NAV3: variants seen among roughly 807,000 people sequenced by gnomAD.
NAV3 encodes neuron navigator 3, also known as pore membrane and/or filament interacting like protein 1.
NAV3 carries 87 observed loss-of-function variants against 244.7 expected under a neutral mutation model. That is an observed-to-expected ratio of 0.36 (90% confidence interval 0.30 to 0.42). The LOEUF (loss-of-function observed/expected upper bound fraction) is 0.42, where lower values mean the gene tolerates loss of function less well. Among genes scored for constraint, NAV3 ranks in the 20% least tolerant of loss-of-function variants. The pLI, the probability that NAV3 is intolerant of heterozygous loss-of-function variation, is 1.00. For synonymous variants in NAV3, 1,126 were observed against 1,042.2 expected, an observed-to-expected ratio of 1.08 and a Z score of -1.55; for missense variants, 2,663 against 2,893.3, an observed-to-expected ratio of 0.92 and a Z score of 1.83.
rs190902965 is a variant in NAV3, at chr12:78,079,282, C to G, written c.2636+20167C>G. 2.4e-3 allele frequency among the ~76,000 whole-genome samples: 364 copies of G among 152,150 alleles called. 1 individual carries two copies. The highest frequency in any genetic ancestry group is 3.4e-3 in the Non-Finnish European group (229 of 68,006). The stretch of plus-strand genomic sequence containing the variant: ...TGTGAGATTTTTAGATATAAAGACT[C>G]AGATTTATAGCTTAGCTAGCTGGAA... On this transcript the variant is annotated intron_variant, in intron 12 of 39. Coordinates refer to ENST00000397909, the MANE Select transcript of NAV3 (RefSeq NM_001024383.2).
chr12:77,607,299 A>G (rs766174484), intron 2 of NAV3, among the ~76,000 whole-genome samples: 9 of 152,062 alleles, frequency 5.9e-5, no homozygotes, highest in Non-Finnish European at 1.3e-4. Context: ...ATCTTCTACT[A>G]CCCTAGACCC....
intron 22 of NAV3, among the ~76,000 whole-genome samples, chr12:78,151,717 A>G (rs912164298): frequency 6.6e-6 from 1 of 151,732 alleles, no homozygotes; most frequent in Non-Finnish European, 1.5e-5. Context: ...ATGAATCCAC[A>G]TATGTCAATC....
At chr12:77,598,848 G>T (rs1288194520) in intron 2 of NAV3, among the ~76,000 whole-genome samples, 1 of 151,856 alleles carries the variant, frequency 6.6e-6, no homozygotes, top group Non-Finnish European at 1.5e-5. Flanking sequence ...TTTGTGATAA[G>T]AATATTTAAC....
intron 2 of NAV3, among the ~76,000 whole-genome samples, chr12:77,641,866 T>C (rs1337914027): frequency 6.6e-6 from 1 of 152,126 alleles, no homozygotes; most frequent in African/African-American, 2.4e-5. Flanking sequence ...TCCAAGTATA[T>C]GCTCGGGGAA....
intron 12 of NAV3, among the ~76,000 whole-genome samples, chr12:78,093,129 A>G (rs1475918373): frequency 6.6e-6 from 1 of 152,252 alleles, no homozygotes; most frequent in Non-Finnish European, 1.5e-5. Context: ...ATGAGTTAAC[A>G]ATATACAATG....
intron 23 of NAV3, among the ~76,000 whole-genome samples, chr12:78,168,552 A>G (rs1402152525): frequency 6.6e-6 from 1 of 151,806 alleles, no homozygotes; most frequent in Non-Finnish European, 1.5e-5. Context: ...AGAAAAACAA[A>G]CAAACAAACA....
At chr12:77,584,907 T>C (rs1291341145) in intron 2 of NAV3, among the ~76,000 whole-genome samples, 1 of 152,200 alleles carries the variant, frequency 6.6e-6, no homozygotes, top group Non-Finnish European at 1.5e-5. Context: ...TTGTAATAAT[T>C]ATGCATGCCT....
At chr12:77,686,308 G>T (rs1258965231) in intron 2 of NAV3, among the ~76,000 whole-genome samples, 4 of 151,946 alleles carry the variant, frequency 2.6e-5, no homozygotes, top group Admixed American at 2.0e-4. Context: ...GACCAGGCCG[G>T]TCTTGAACTC....
At chr12:77,617,130 A>T (rs1293439187) in intron 2 of NAV3, among the ~76,000 whole-genome samples, 1 of 152,176 alleles carries the variant, frequency 6.6e-6, no homozygotes, top group East Asian at 1.9e-4. Flanking sequence ...GGACGGCTGA[A>T]TATTGTTTTG....
intron 9 of NAV3, among the ~76,000 whole-genome samples, chr12:78,035,077 T>C (rs991157688): frequency 1.3e-5 from 2 of 152,148 alleles, no homozygotes; most frequent in Admixed American, 6.5e-5. Context: ...CCTTGAAAGG[T>C]GGGGCATAAG....
intron 23 of NAV3, among the ~76,000 whole-genome samples, chr12:78,162,351 G>T (rs891365789): frequency 1.3e-5 from 2 of 151,906 alleles, no homozygotes; most frequent in South Asian, 2.1e-4. Context: ...TATTGAATTT[G>T]TGCTCTTCTA....
At chr12:77,605,394 G>T (rs554641219) in intron 2 of NAV3, among the ~76,000 whole-genome samples, 2 of 152,090 alleles carry the variant, frequency 1.3e-5, no homozygotes, top group African/African-American at 4.8e-5. Flanking sequence ...TCAACCAATT[G>T]GTTATCATTA....
At chr12:77,672,805 T>A (rs1874044156) in intron 2 of NAV3, among the ~76,000 whole-genome samples, 1 of 151,542 alleles carries the variant, frequency 6.6e-6, no homozygotes, top group African/African-American at 2.4e-5. Flanking sequence ...AAAAACTTAT[T>A]GAAATAAAAA....
Position 77,707,321 on chromosome 12 carries a change from T to A in NAV3, c.72+135055T>A, listed in dbSNP as rs1266695930. ...AGAACATGTGGTGTTTGGTTTTTTG[T>A]CCTTGGGATAGTTTGCTGAGAATGA... On this transcript the variant is annotated intron_variant, in intron 2 of 8. Transcript: ENST00000550042. 1.1e-4 allele frequency among the ~76,000 whole-genome samples: 17 copies of A among 151,708 alleles called. No homozygotes were observed. The East Asian group carries it at 2.7e-3, about 24-fold the overall frequency.
rs2137229881 is a variant in NAV3 at position 78,050,110 on chromosome 12, C to A, written c.2132+9C>A. On this transcript the variant is annotated intron_variant, in intron 10 of 39. Transcript: ENST00000397909. ...ACTCAGATAAGCCACAGGTTTTTTT[C>A]AATTTTGCATATATTTGAGCCAATA... is the stretch of plus-strand genomic sequence containing the variant. 6.4e-7 allele frequency: 1 copy of A among 1,572,810 alleles called. No homozygotes were observed. The highest frequency in any genetic ancestry group is 8.7e-7 in the Non-Finnish European group (1 of 1,152,906).
intron 2 of NAV3, among the ~76,000 whole-genome samples, chr12:77,736,494 C>G (rs1877340311): frequency 6.6e-6 from 1 of 152,162 alleles, no homozygotes; most frequent in Non-Finnish European, 1.5e-5. Flanking sequence ...TCCACTGGCC[C>G]TTGAGACAGC....
intron 24 of NAV3, 33 bp downstream of exon 24, chr12:78,168,899 T>C (rs199674753): frequency 2.7e-5 from 38 of 1,421,136 alleles, no homozygotes; most frequent in Non-Finnish European, 3.5e-5. Context: ...TTCCACCCAA[T>C]ATAATAGACA....
At chr12:77,763,046 A>T (rs137980071) in intron 2 of NAV3, among the ~76,000 whole-genome samples, 1 of 152,116 alleles carries the variant, frequency 6.6e-6, no homozygotes, top group Non-Finnish European at 1.5e-5. Context: ...AGAATAACAC[A>T]TTTTCCAACC....
intron 1 of NAV3, among the ~76,000 whole-genome samples, chr12:77,893,255 A>C (rs997376817): frequency 6.6e-6 from 1 of 152,212 alleles, no homozygotes; most frequent in African/African-American, 2.4e-5. Flanking sequence ...TTATGCTGTA[A>C]ATTTTCTAAT....
Sources: gnomAD v4.1 joint callset for allele counts (sites outside exome capture counted in the v4.1 genomes callset) on GRCh38, gnomAD v4.1.1 for gene constraint, MANE v1.5 for transcripts, NCBI Gene and HGNC (gene_info 2026-07-23, HGNC 2026-07-21) for gene names.